CACNA1C: variants seen among roughly 807,000 people sequenced by gnomAD.
CACNA1C encodes the protein voltage-dependent L-type calcium channel subunit alpha-1C.
Under a neutral mutation model 229.0 loss-of-function variants are expected in CACNA1C, and 30 were observed. The ratio of observed to expected loss-of-function variants is 0.13; its 90% CI spans 0.10 to 0.18. The LOEUF (loss-of-function observed/expected upper bound fraction) is 0.18, where lower values mean the gene tolerates loss of function less well. CACNA1C is among the 10% of genes least tolerant of loss of function. CACNA1C has a pLI of 1.00. For synonymous variants in CACNA1C, 1,114 were observed against 1,132.5 expected (o/e 0.98, Z 0.33); for missense variants, 1,658 against 2,845.0 (o/e 0.58, Z 9.49).
intron 3 of CACNA1C, among the ~76,000 whole-genome samples, chr12:2,333,459 T>C (rs2096608101): frequency 6.6e-6 from 1 of 152,214 alleles, no homozygotes; most frequent in South Asian, 2.1e-4. Flanking sequence ...AGCTTGTTAT[T>C]AAATAACAAG....
intron 15 of CACNA1C, among the ~76,000 whole-genome samples, chr12:2,583,339 A>G (rs901067643): frequency 6.6e-6 from 1 of 152,210 alleles, no homozygotes; most frequent in African/African-American, 2.4e-5. Flanking sequence ...TTGTCCTTCA[A>G]GTGACCTTCA....
intron 3 of CACNA1C, among the ~76,000 whole-genome samples, chr12:2,203,536 T>C (rs900643692): frequency 1.3e-5 from 2 of 152,184 alleles, no homozygotes; most frequent in Non-Finnish European, 2.9e-5. Context: ...TGGGCCTCTG[T>C]TACAGGACGG....
At chr12:2,462,521 G>A (rs1000233184) in intron 5 of CACNA1C, among the ~76,000 whole-genome samples, 8 of 152,266 alleles carry the variant, frequency 5.3e-5, no homozygotes, top group Non-Finnish European at 7.4e-5. Context: ...TGTAACCTAC[G>A]TGAGGCTAAC....
At chr12:2,598,972 A>C (rs1204610401) in intron 21 of CACNA1C, among the ~76,000 whole-genome samples, 3 of 152,160 alleles carry the variant, frequency 2.0e-5, no homozygotes, top group Non-Finnish European at 4.4e-5. Context: ...CCGCGGCAAA[A>C]CCTGCTTTCC....
intron 26 of CACNA1C, chr12:2,607,776 G>A (rs1037711001): frequency 6.6e-6 from 1 of 152,268 alleles, no homozygotes; most frequent in African/African-American, 2.4e-5. Context: ...ATGTATTCCA[G>A]TGAAATTAGA....
chr12:2,665,846 A>C lies in CACNA1C; in HGVS notation c.4526+138A>C. On this transcript the variant is annotated intron_variant, in intron 36 of 46. Coordinates refer to ENST00000399655, the MANE Select transcript of CACNA1C (RefSeq NM_000719.7). The surrounding 1 kb of genome is among the most constrained non-coding windows in gnomAD (Gnocchi z 5.9). The stretch of plus-strand genomic sequence containing the variant: ...TGGATTGTATCACACCCTAGGGTGA[A>C]AGGTCAAGGGCCAGCAGGAGGAGGC... 2.4e-6 allele frequency: 2 copies of C among 844,232 alleles called. No individual in the cohort carries two copies. The highest frequency in any genetic ancestry group is 3.5e-6 in the Non-Finnish European group (2 of 571,766). 52.3% of individuals were successfully genotyped at this position (844,232 alleles called of 1,614,324 possible).
rs938217840 is a variant in CACNA1C, at chr12:2,632,587, A to G, written c.3829-1710A>G. On this transcript the variant is annotated intron_variant, in intron 29 of 46. Coordinates refer to ENST00000399655, the MANE Select transcript of CACNA1C (RefSeq NM_000719.7). The surrounding 1 kb of genome is among the most constrained non-coding windows in gnomAD (Gnocchi z 4.1). Reference sequence around the variant, plus strand: ...ACATGGTGAAAAATAAACAAAATCCATAGCTACAGAATCAAGTGGTAAAGT... The same window carrying G: ...ACATGGTGAAAAATAAACAAAATCCGTAGCTACAGAATCAAGTGGTAAAGT... Among the ~76,000 whole-genome samples, 25 of 152,158 alleles carry G rather than the reference A, an allele frequency of 1.6e-4. No homozygotes were observed. Among genetic ancestry groups the G allele is most frequent in the Admixed American group, 6.5e-5 (1 of 15,278 alleles).
chr12:1,984,416 A>G (rs1239456887), intron 1 of CACNA1C, among the ~76,000 whole-genome samples: 2 of 152,024 alleles, frequency 1.3e-5, no homozygotes, highest in Admixed American at 6.6e-5. Context: ...AAGAAATACA[A>G]TATACATATC....
chr12:2,195,517 T>A (rs879595335), intron 3 of CACNA1C, among the ~76,000 whole-genome samples: 3 of 152,186 alleles, frequency 2.0e-5, no homozygotes, highest in Non-Finnish European at 4.4e-5. Context: ...AGTGACAAGT[T>A]CCTTTGGAAA....
At chr12:2,277,007 G>C (rs1225733287) in intron 3 of CACNA1C, among the ~76,000 whole-genome samples, 2 of 152,104 alleles carry the variant, frequency 1.3e-5, no homozygotes, top group Non-Finnish European at 2.9e-5. Context: ...GCTCATCACA[G>C]GGGTTGCAAA....
chr12:2,679,603 T>C lies in CACNA1C; in HGVS notation c.5251T>C (p.Ser1751Pro). ...GCCATCCCACGAGAAGCTGGTGGAC[T>C]CCACCTTCACCCCGAGCAGCTACTC... ...ESPSHEKLVD[S>P]TFTPSSYSST... The change falls in exon 42 of 47, where the codon TCC (serine) becomes CCC (proline). Residue 1751 changes from serine (S) to proline (P), a missense_variant. This residue lies in a region of CACNA1C where 590 missense variants were observed against 700.8 expected (regional missense o/e 0.84). Coordinates refer to ENST00000399655, the MANE Select transcript of CACNA1C (RefSeq NM_000719.7). The surrounding 1 kb of genome is among the most constrained non-coding windows in gnomAD (Gnocchi z 5.5). The C allele has an allele frequency of 6.2e-7, 1 of 1,613,768 alleles. No homozygotes were observed. The highest frequency in any genetic ancestry group is 8.5e-7 in the Non-Finnish European group (1 of 1,179,812).
chr12:2,440,868 G>A (rs181035434), intron 3 of CACNA1C, among the ~76,000 whole-genome samples: 31 of 152,298 alleles, frequency 2.0e-4, no homozygotes, highest in Admixed American at 1.7e-3. Flanking sequence ...AGGGCAATGC[G>A]GCAAGTGGAG....
At position 2,227,135 on chromosome 12, in the gene CACNA1C, C is replaced by T. The variant is rs1457040333; in HGVS notation, c.477+106705C>T. 2.0e-5 allele frequency among the ~76,000 whole-genome samples: 3 copies of T among 152,218 alleles called. No homozygotes were observed. The East Asian group carries it at 5.8e-4, about 29-fold the overall frequency. On this transcript the variant is annotated intron_variant, in intron 3 of 46. Coordinates refer to ENST00000399655, the MANE Select transcript of CACNA1C (RefSeq NM_000719.7). The stretch of plus-strand genomic sequence containing the variant: ...CCTCCCCTTTTTAGCTATTCCCCTC[C>T]TCTCTGAAATCATCCCCTCCTGACT...
chr12:2,345,308 A>C (rs57770459), intron 3 of CACNA1C, among the ~76,000 whole-genome samples: 15,845 of 151,920 alleles, frequency 0.1, 2,720 homozygotes, highest in African/African-American at 0.36. Flanking sequence ...CTCCCCCTGT[A>C]CGCCAGGCAT....
intron 3 of CACNA1C, among the ~76,000 whole-genome samples, chr12:2,438,358 A>AGTG (rs1340602660): frequency 4.2e-5 from 3 of 71,706 alleles, no homozygotes; most frequent in Non-Finnish European, 8.9e-5. Flanking sequence ...TGGTGGTGGT[A>AGTG]ATGATGGTGG....
intron 3 of CACNA1C, among the ~76,000 whole-genome samples, chr12:2,338,104 C>T (rs1420023916): frequency 2.6e-5 from 4 of 152,162 alleles, no homozygotes; most frequent in Non-Finnish European, 4.4e-5. Context: ...GCATGCCTTT[C>T]CTACAGCCAG....
intron 3 of CACNA1C, among the ~76,000 whole-genome samples, chr12:2,343,002 T>G (rs1217525367): frequency 1.3e-5 from 2 of 152,220 alleles, no homozygotes; most frequent in Non-Finnish European, 2.9e-5. Context: ...ATTTCCAATT[T>G]GCTGATTAAA....
At position 2,572,005 on chromosome 12, in the gene CACNA1C, GCTGCTACT is replaced by G. The variant is rs1325036539; in HGVS notation, c.1895+4213_1895+4220del. Among the ~76,000 whole-genome samples the G allele has an allele frequency of 2.0e-5, 3 of 148,284 alleles. No homozygotes were observed. In the East Asian group the frequency reaches 5.9e-4, roughly 29 times the overall value. On this transcript the variant is annotated intron_variant, in intron 13 of 46. Transcript: ENST00000399655. ...CTTGGAAAGTACTTTGCAATGTCTT[GCTGCTACT>G]CATATGTAGAAGAAATTTCTTCTCT...
chr12:2,292,855 C>G (rs2154458934), intron 3 of CACNA1C, among the ~76,000 whole-genome samples: 1 of 152,242 alleles, frequency 6.6e-6, no homozygotes, highest in Non-Finnish European at 1.5e-5. Flanking sequence ...GGCACCAGGC[C>G]CACACTGGAG....
Sources: gnomAD v4.1 joint callset for allele counts (sites outside exome capture counted in the v4.1 genomes callset) on GRCh38, gnomAD v4.1.1 for gene constraint, gnomAD v4.1.1 regional missense constraint, Gnocchi (gnomAD v3.1) non-coding constraint, MANE v1.5 for transcripts, NCBI Gene and HGNC (gene_info 2026-07-23, HGNC 2026-07-21) for gene names.